The following RALGAPA1 variants were observed in gnomAD, a reference collection of about 807,000 sequenced individuals.
The protein encoded by RALGAPA1 is ral GTPase-activating protein subunit alpha-1.
In RALGAPA1, 52 loss-of-function variants were observed where a neutral mutation model predicts 269.6. The observed-to-expected ratio is 0.19, with a 90% CI of 0.15 to 0.24. The LOEUF (loss-of-function observed/expected upper bound fraction) is 0.24. Ranked by LOEUF, RALGAPA1 falls within the 10% of genes least tolerant of loss-of-function variation. The pLI is 1.00. For synonymous variants in RALGAPA1, 817 were observed against 1,008.3 expected (o/e 0.81, Z 3.60); for missense variants, 1,917 against 3,013.9 (o/e 0.64, Z 8.52).
At chr14:35,793,824 G>A (rs2141830587) in intron 1 of RALGAPA1, among the ~76,000 whole-genome samples, 1 of 152,212 alleles carries the variant, frequency 6.6e-6, no homozygotes, top group African/African-American at 2.4e-5. Flanking sequence ...CTATTCAGTT[G>A]TTGCTTGTTT....
At chr14:35,611,375 G>A (rs929125000) in intron 35 of RALGAPA1, among the ~76,000 whole-genome samples, 5 of 151,964 alleles carry the variant, frequency 3.3e-5, no homozygotes, top group Non-Finnish European at 5.9e-5. Context: ...GGTTGCGTGC[G>A]CTTGTAGTCC....
rs765569349 is a variant in RALGAPA1 at position 35,634,616 on chromosome 14, G to A, written c.5953C>T (p.Pro1985Ser). Residue 1985 changes from proline to serine, a missense_variant, in exon 33 of 42, where the codon CCT becomes TCT. By Grantham distance (74) the Pro-to-Ser change is moderately conservative. Around this residue, in one of 11 missense-constraint regions of RALGAPA1, gnomAD observed 346 missense variants for 566.1 expected, o/e 0.61. Transcript: ENST00000680220. Reference sequence around the variant, plus strand: ...AGTTTAGAAGATCGTTCTGAGTCAGGAGAGTGCAGAGGCTCAGGCTCTTTC... The same window carrying A: ...AGTTTAGAAGATCGTTCTGAGTCAGAAGAGTGCAGAGGCTCAGGCTCTTTC... The part of the protein sequence containing the change: ...SLKEPEPLHS[P>S]DSERSSKLQP... 1 of 1,613,382 alleles carries A rather than the reference G, an allele frequency of 6.2e-7. No individual in the cohort carries two copies. The highest frequency in any genetic ancestry group is 1.1e-5 in the South Asian group (1 of 91,014).
intron 16 of RALGAPA1, among the ~76,000 whole-genome samples, chr14:35,705,364 C>G (rs1007303642): frequency 1.3e-5 from 2 of 152,050 alleles, no homozygotes; most frequent in Non-Finnish European, 2.9e-5. Context: ...TGCCTGGAAA[C>G]CAGTCATCTT....
At chr14:35,711,723 C>G (rs1204706089) in intron 16 of RALGAPA1, among the ~76,000 whole-genome samples, 2 of 152,122 alleles carry the variant, frequency 1.3e-5, no homozygotes, top group Non-Finnish European at 2.9e-5. Flanking sequence ...ACTCCAACCA[C>G]CCTGGCCTCC....
intron 37 of RALGAPA1, among the ~76,000 whole-genome samples, chr14:35,590,229 G>C (rs190513899): frequency 1.3e-5 from 2 of 152,082 alleles, no homozygotes; most frequent in South Asian, 2.1e-4. Flanking sequence ...TGCTTTCATA[G>C]ACTTATTAAT....
Position 35,688,695 on chromosome 14 carries a change from A to C in RALGAPA1, c.3716T>G (p.Leu1239Ter). 6.8e-7 allele frequency: 1 copy of C among 1,480,778 alleles called. No homozygotes were observed. The highest frequency in any genetic ancestry group is 8.9e-7 in the Non-Finnish European group (1 of 1,123,010). 91.7% of individuals were successfully genotyped at this position (1,480,778 alleles called of 1,614,324 possible). The change falls in exon 18 of 42, where the codon TTA (leucine) becomes TGA (stop). Residue 1239 changes from leucine (L) to a stop codon, truncating the protein, a stop_gained. Transcript: ENST00000680220. LOFTEE classifies it high-confidence loss of function. ...KESTEIPTTI[L>*]QKEGIASSQL... ...ACTACTTGCAATTCCTTCTTTTTGT[A>C]ATATGGTGGTGGGAATCTCTGTGGA...
At chr14:35,779,167 G>T (rs972945116) in intron 1 of RALGAPA1, among the ~76,000 whole-genome samples, 8 of 152,130 alleles carry the variant, frequency 5.3e-5, no homozygotes, top group Non-Finnish European at 1.0e-4. Context: ...ACATACAACT[G>T]AAATAAAGAG....
chr14:35,778,001 G>T (rs761288551), intron 1 of RALGAPA1, among the ~76,000 whole-genome samples: 1 of 152,102 alleles, frequency 6.6e-6, no homozygotes, highest in Non-Finnish European at 1.5e-5. Context: ...ATAAAGTACA[G>T]TAACAACATA....
chr14:35,801,818 G>A (rs1265333469), intron 1 of RALGAPA1, among the ~76,000 whole-genome samples: 3 of 151,954 alleles, frequency 2.0e-5, no homozygotes, highest in Non-Finnish European at 2.9e-5. Flanking sequence ...AAAATCAATC[G>A]ATTGCTTTAC....
At chr14:35,643,234 T>C (rs1240323049) in intron 31 of RALGAPA1, among the ~76,000 whole-genome samples, 2 of 151,896 alleles carry the variant, frequency 1.3e-5, no homozygotes, top group East Asian at 1.9e-4. Flanking sequence ...CTAATGTAAA[T>C]GACGAGTTAA....
At chr14:35,556,435 A>AACTAG in intron 39 of RALGAPA1, among the ~76,000 whole-genome samples, 1 of 152,206 alleles carries the variant, frequency 6.6e-6, no homozygotes, top group Non-Finnish European at 1.5e-5. Context: ...TTTTTCCAGA[A>AACTAG]ACATGCAGTC....
rs531053118 is a variant in RALGAPA1 at position 35,711,269 on chromosome 14, G to A, written c.2266+10419C>T. On this transcript the variant is annotated intron_variant, in intron 16 of 41. Coordinates refer to ENST00000680220, the MANE Select transcript of RALGAPA1 (RefSeq NM_001346249.2). ...GTTAACACTGTACCACATTTGTTCC[G>A]GTTTTCTATTCAGTGCCTTTCTTTT... 2.8e-4 allele frequency among the ~76,000 whole-genome samples: 42 copies of A among 152,140 alleles called. 1 individual carries two copies. The highest frequency in any genetic ancestry group is 2.4e-3 in the Admixed American group (36 of 15,284).
intron 10 of RALGAPA1, among the ~76,000 whole-genome samples, chr14:35,744,327 C>T (rs1041984555): frequency 4.0e-5 from 6 of 149,790 alleles, no homozygotes; most frequent in African/African-American, 1.2e-4. Context: ...GCTGAGATCA[C>T]GCCACTGCAC....
At chr14:35,699,880 A>T (rs2067203425) in intron 17 of RALGAPA1, among the ~76,000 whole-genome samples, 1 of 150,992 alleles carries the variant, frequency 6.6e-6, no homozygotes, top group Admixed American at 6.6e-5. Flanking sequence ...TGAGAGGAAG[A>T]AAAAAATCAA....
chr14:35,662,192 T>A (rs1219148035), intron 27 of RALGAPA1, among the ~76,000 whole-genome samples: 1 of 152,180 alleles, frequency 6.6e-6, no homozygotes, highest in Non-Finnish European at 1.5e-5. Flanking sequence ...GGGTCTTAGA[T>A]AAACAGGATT....
chr14:35,678,427 C>T (rs2065141167), intron 21 of RALGAPA1, among the ~76,000 whole-genome samples: 1 of 152,176 alleles, frequency 6.6e-6, no homozygotes, highest in Admixed American at 6.5e-5. Context: ...TTCTATTTCA[C>T]TTAAATCAGA....
At chr14:35,544,370 T>C (rs1256874118) in intron 41 of RALGAPA1, among the ~76,000 whole-genome samples, 1 of 152,204 alleles carries the variant, frequency 6.6e-6, no homozygotes, top group Non-Finnish European at 1.5e-5. Context: ...CTGTAATAGT[T>C]AAGATCATGC....
intron 31 of RALGAPA1, among the ~76,000 whole-genome samples, chr14:35,647,249 TTTTGC>T (rs534796331): frequency 7.5e-4 from 115 of 152,330 alleles, no homozygotes; most frequent in Non-Finnish European, 1.4e-3. Context: ...TAAATGTTCT[TTTTGC>T]TTTATTTTTA....
In RALGAPA1 at chr14:35,627,437, A is replaced by C; in HGVS notation, c.6510T>G (p.Phe2170Leu). Residue 2170 changes from phenylalanine to leucine, a missense_variant, in exon 34 of 42, where the codon TTT (phenylalanine) becomes TTG (leucine). Physicochemically the swap from Phe to Leu is conservative, Grantham distance 22. Coordinates refer to ENST00000680220, the MANE Select transcript of RALGAPA1 (RefSeq NM_001346249.2). ...TATCCCAAGTTGGTACAGTTTCTCTAAATCTTTTAAACTGGAGAGAAAGTC... is the reference window on the plus strand; with the variant it reads ...TATCCCAAGTTGGTACAGTTTCTCTCAATCTTTTAAACTGGAGAGAAAGTC... The part of the protein sequence containing the change: ...KDGLSLQFKR[F>L]RETVPTWDTI... 6.2e-7 allele frequency: 1 copy of C among 1,613,598 alleles called. No homozygotes were observed. The highest frequency in any genetic ancestry group is 1.1e-5 in the South Asian group (1 of 90,858).
Sources: allele counts gnomAD v4.1 joint callset (sites outside exome capture counted in the v4.1 genomes callset), GRCh38; gene constraint gnomAD v4.1.1; regional missense constraint gnomAD v4.1.1; transcripts MANE v1.5; gene names NCBI Gene and HGNC (gene_info 2026-07-23, HGNC 2026-07-21).